RBFOX1: variants seen among roughly 807,000 people sequenced by gnomAD.
RBFOX1 encodes the protein RNA binding protein fox-1 homolog 1.
In RBFOX1, 8 loss-of-function variants were observed where a neutral mutation model predicts 57.7. That is an observed-to-expected ratio of 0.14 (90% CI 0.08 to 0.25). The LOEUF (loss-of-function observed/expected upper bound fraction) is 0.25. RBFOX1 is among the 10% of genes least tolerant of loss of function. The pLI is 1.00. For missense variants in RBFOX1, 611 were observed against 548.5 expected (o/e 1.11, Z -1.14); for synonymous variants, 326 against 222.4 (o/e 1.47, Z -4.15).
intron 4 of RBFOX1, among the ~76,000 whole-genome samples, chr16:7,330,472 C>CTGTGTGTGTG (rs71391624): frequency 2.3e-4 from 22 of 94,424 alleles, no homozygotes; most frequent in African/African-American, 7.7e-4. Flanking sequence ...ATGGAGAGCT[C>CTGTGTGTGTG]TGTGTGTGTG....
intron 2 of RBFOX1, among the ~76,000 whole-genome samples, chr16:6,511,076 G>A (rs1205472652): frequency 6.6e-6 from 1 of 152,168 alleles, no homozygotes; most frequent in Non-Finnish European, 1.5e-5. Flanking sequence ...GGACCATTGA[G>A]GTAGCGTGGA....
At chr16:5,342,087 G>A (rs531900869) in intron 1 of RBFOX1, among the ~76,000 whole-genome samples, 15 of 152,322 alleles carry the variant, frequency 9.8e-5, no homozygotes, top group African/African-American at 3.4e-4. Context: ...TTTTATTTCA[G>A]AGTTTGCGGC....
chr16:5,832,395 C>T (rs928414730), intron 3 of RBFOX1, among the ~76,000 whole-genome samples: 1 of 152,204 alleles, frequency 6.6e-6, no homozygotes, highest in African/African-American at 2.4e-5. Flanking sequence ...GGCTATTTTG[C>T]CACTTCCTAG....
At chr16:7,474,937 G>A (rs943246281) in intron 4 of RBFOX1, among the ~76,000 whole-genome samples, 4 of 152,120 alleles carry the variant, frequency 2.6e-5, no homozygotes, top group African/African-American at 9.7e-5. Flanking sequence ...GCCTGTGTTG[G>A]TCAAAGCACC....
At chr16:7,105,232 C>G (rs1395697878) in intron 4 of RBFOX1, among the ~76,000 whole-genome samples, 1 of 151,676 alleles carries the variant, frequency 6.6e-6, no homozygotes, top group Non-Finnish European at 1.5e-5. Flanking sequence ...GTCTGGGTCA[C>G]ATGGCAACCT....
At chr16:5,965,925 C>T (rs1390324419) in intron 4 of RBFOX1, among the ~76,000 whole-genome samples, 1 of 152,138 alleles carries the variant, frequency 6.6e-6, no homozygotes, top group Non-Finnish European at 1.5e-5. Flanking sequence ...GAGATACCCT[C>T]CCCAGAAGAT....
intron 1 of RBFOX1, among the ~76,000 whole-genome samples, chr16:5,420,989 C>T: frequency 6.9e-6 from 1 of 144,128 alleles, no homozygotes; most frequent in South Asian, 2.3e-4. Flanking sequence ...TTCCCTTCCT[C>T]CTCCTCCTCC....
At chr16:5,718,916 A>T (rs1004038362) in intron 3 of RBFOX1, among the ~76,000 whole-genome samples, 2 of 151,830 alleles carry the variant, frequency 1.3e-5, no homozygotes, top group Admixed American at 1.3e-4. Flanking sequence ...CTCAAAATGA[A>T]TGAATGAATG....
intron 3 of RBFOX1, among the ~76,000 whole-genome samples, chr16:6,860,421 G>A (rs902758894): frequency 3.9e-5 from 6 of 152,170 alleles, no homozygotes; most frequent in Admixed American, 2.6e-4. Context: ...AACACTACAC[G>A]TTGGCTAAGA....
intron 5 of RBFOX1, among the ~76,000 whole-genome samples, chr16:7,543,546 T>A (rs2083523696): frequency 6.6e-6 from 1 of 152,130 alleles, no homozygotes; most frequent in Non-Finnish European, 1.5e-5. Context: ...AATGTGTGTG[T>A]ACCCCTGTGG....
chr16:5,633,802 A>AG, intron 3 of RBFOX1, among the ~76,000 whole-genome samples: 1 of 151,304 alleles, frequency 6.6e-6, no homozygotes, highest in Non-Finnish European at 1.5e-5. Context: ...AGAACCCAGG[A>AG]GGCGGAGGCC....
At chr16:7,252,588 T>C (rs2094534680) in intron 4 of RBFOX1, among the ~76,000 whole-genome samples, 1 of 152,252 alleles carries the variant, frequency 6.6e-6, no homozygotes, top group Non-Finnish European at 1.5e-5. Flanking sequence ...TCTGTTGAGC[T>C]TTGGTAGTTG....
chr16:6,274,877 G>A (rs1374555716), intron 1 of RBFOX1, among the ~76,000 whole-genome samples: 2 of 152,198 alleles, frequency 1.3e-5, no homozygotes, highest in East Asian at 3.8e-4. Context: ...TTAAGAAGAA[G>A]AGTTGGTCAT....
In RBFOX1 at chr16:7,093,871, A is replaced by G. The variant is rs558444155; in HGVS notation, c.27+41773A>G. Among the ~76,000 whole-genome samples, 3 of 152,172 alleles carry G rather than the reference A, an allele frequency of 2.0e-5. No individual in the cohort carries two copies. In the South Asian group the frequency reaches 6.2e-4, roughly 32 times the overall value. The stretch of plus-strand genomic sequence containing the variant: ...GCCACATCCATTTTTTCCCACTGTA[A>G]TAATGACACAAAACTCATTGAATAT... On this transcript the variant is annotated intron_variant, in intron 4 of 15. Coordinates refer to ENST00000550418, the MANE Select transcript of RBFOX1 (RefSeq NM_018723.4).
intron 2 of RBFOX1, among the ~76,000 whole-genome samples, chr16:6,585,532 T>A (rs746410896): frequency 5.3e-5 from 8 of 152,202 alleles, no homozygotes; most frequent in Non-Finnish European, 1.2e-4. Flanking sequence ...TTTTGCAAGG[T>A]CCTTGCCTCT....
At chr16:5,765,282 C>G (rs1391134988) in intron 3 of RBFOX1, among the ~76,000 whole-genome samples, 1 of 152,146 alleles carries the variant, frequency 6.6e-6, no homozygotes, top group East Asian at 1.9e-4. Context: ...GAGCACTCCC[C>G]CAGTCTAAGA....
At chr16:7,066,799 G>T (rs748831718) in intron 4 of RBFOX1, among the ~76,000 whole-genome samples, 1 of 152,100 alleles carries the variant, frequency 6.6e-6, no homozygotes, top group African/African-American at 2.4e-5. Context: ...ACAAAGGTTT[G>T]GTTCAATAAG....
At chr16:7,096,397 C>G (rs8057337) in intron 4 of RBFOX1, among the ~76,000 whole-genome samples, 1 of 152,110 alleles carries the variant, frequency 6.6e-6, no homozygotes, top group Non-Finnish European at 1.5e-5. Flanking sequence ...CCGTGTCCCC[C>G]AGCAGGATGT....
At chr16:6,439,482 G>A (rs918897739) in intron 2 of RBFOX1, among the ~76,000 whole-genome samples, 2 of 152,158 alleles carry the variant, frequency 1.3e-5, no homozygotes, top group African/African-American at 4.8e-5. Context: ...GAGGAATGTG[G>A]AACATCCCCT....
Sources: gnomAD v4.1 joint callset for allele counts (sites outside exome capture counted in the v4.1 genomes callset) on GRCh38, gnomAD v4.1.1 for gene constraint, MANE v1.5 for transcripts, NCBI Gene and HGNC (gene_info 2026-07-23, HGNC 2026-07-21) for gene names.